The following NRG1 variants were observed in gnomAD, a reference collection of about 807,000 sequenced individuals.
The protein encoded by NRG1 is neuregulin 1, also known as pro-neuregulin-1, membrane-bound isoform.
Under a neutral mutation model 63.8 loss-of-function variants are expected in NRG1, and 18 were observed. The ratio of observed to expected loss-of-function variants is 0.28; its 90% CI spans 0.19 to 0.42. The LOEUF (loss-of-function observed/expected upper bound fraction) is 0.42. Among genes scored for constraint, NRG1 ranks in the 10% least tolerant of loss-of-function variants. The pLI is 1.00. For synonymous variants in NRG1, 302 were observed against 301.3 expected, an observed-to-expected ratio of 1.00 and a Z score of -0.02; for missense variants, 762 against 814.7, an observed-to-expected ratio of 0.94 and a Z score of 0.79.
At chr8:32,480,177 C>T (rs536508862) in intron 1 of NRG1, among the ~76,000 whole-genome samples, 35 of 152,132 alleles carry the variant, frequency 2.3e-4, no homozygotes, top group African/African-American at 6.3e-4. Context: ...GTGGTCCCAG[C>T]CTACGAGGTG....
At chr8:32,542,889 G>T (rs139430028) in intron 1 of NRG1, among the ~76,000 whole-genome samples, 4 of 152,298 alleles carry the variant, frequency 2.6e-5, no homozygotes, top group South Asian at 2.1e-4. Flanking sequence ...GATTGGGGTG[G>T]TACTTAGTGA....
intron 1 of NRG1, among the ~76,000 whole-genome samples, chr8:31,851,940 A>G (rs1174505735): frequency 6.7e-6 from 1 of 149,458 alleles, no homozygotes; most frequent in African/African-American, 2.5e-5. Context: ...ACATGAACTC[A>G]TCCTTTTTTA....
At chr8:32,392,513 G>A (rs6986789) in intron 1 of NRG1, among the ~76,000 whole-genome samples, 60,681 of 152,032 alleles carry the variant, frequency 0.4, 12,512 homozygotes, top group Admixed American at 0.46. Context: ...AGTTGTTGTT[G>A]ATGTTGGTTT....
intron 1 of NRG1, among the ~76,000 whole-genome samples, chr8:31,845,888 A>T (rs1349377777): frequency 1.3e-5 from 2 of 152,202 alleles, no homozygotes; most frequent in Non-Finnish European, 2.9e-5. Context: ...TGATCTGTTT[A>T]CGAGACCTCA....
intron 1 of NRG1, among the ~76,000 whole-genome samples, chr8:32,147,015 A>G (rs559088464): frequency 6.6e-6 from 1 of 152,346 alleles, no homozygotes; most frequent in South Asian, 2.1e-4. Context: ...GTACATACTT[A>G]GAAGTAGTAA....
intron 5 of NRG1, among the ~76,000 whole-genome samples, chr8:32,677,910 C>T (rs1459063017): frequency 6.6e-6 from 1 of 152,118 alleles, no homozygotes; most frequent in Non-Finnish European, 1.5e-5. Flanking sequence ...ATGACACTTT[C>T]CTATATCAAG....
chr8:32,348,100 C>T (rs1586962655), intron 1 of NRG1, among the ~76,000 whole-genome samples: 2 of 152,258 alleles, frequency 1.3e-5, no homozygotes, highest in East Asian at 3.9e-4. Flanking sequence ...AATCTGTTAC[C>T]AATTACTCTA....
intron 1 of NRG1, among the ~76,000 whole-genome samples, chr8:32,041,716 C>T (rs1362226915): frequency 1.3e-5 from 2 of 152,138 alleles, no homozygotes; most frequent in African/African-American, 2.4e-5. Context: ...AACATGGGTA[C>T]AGTCACAAGA....
intron 1 of NRG1, among the ~76,000 whole-genome samples, chr8:32,276,444 C>CTAT (rs1383919008): frequency 6.6e-6 from 1 of 152,122 alleles, no homozygotes; most frequent in Non-Finnish European, 1.5e-5. Context: ...ATCCATCCAT[C>CTAT]TATTGATGGA....
At chr8:32,201,430 C>G (rs139858976) in intron 1 of NRG1, among the ~76,000 whole-genome samples, 1 of 152,158 alleles carries the variant, frequency 6.6e-6, no homozygotes, top group African/African-American at 2.4e-5. Flanking sequence ...TCATTTAAAG[C>G]AGTTACCTTT....
At chr8:31,647,966 G>A (rs1385735630) in intron 1 of NRG1, among the ~76,000 whole-genome samples, 1 of 152,016 alleles carries the variant, frequency 6.6e-6, no homozygotes, top group Non-Finnish European at 1.5e-5. Context: ...GTGGCATTAA[G>A]TATTTGCATT....
intron 11 of NRG1, among the ~76,000 whole-genome samples, chr8:32,762,085 G>A (rs1276558050): frequency 6.6e-6 from 1 of 150,480 alleles, no homozygotes; most frequent in Admixed American, 6.6e-5. Context: ...AAGCCTGTTG[G>A]TTACTTCTTC....
chr8:31,835,661 T>C (rs1339421067), intron 1 of NRG1, among the ~76,000 whole-genome samples: 1 of 152,192 alleles, frequency 6.6e-6, no homozygotes, highest in Admixed American at 6.5e-5. Flanking sequence ...TAATAGCATA[T>C]TTTTCCCATT....
intron 1 of NRG1, among the ~76,000 whole-genome samples, chr8:32,267,950 C>G (rs374152901): frequency 2.6e-5 from 4 of 152,194 alleles, no homozygotes; most frequent in African/African-American, 7.2e-5. Context: ...ATGCTTCCCC[C>G]TCTTTGAATG....
chr8:31,905,450 T>C (rs1832446526), intron 1 of NRG1, among the ~76,000 whole-genome samples: 1 of 152,184 alleles, frequency 6.6e-6, no homozygotes, highest in African/African-American at 2.4e-5. Flanking sequence ...AATTGTCACT[T>C]TGTTAGTTAA....
intron 1 of NRG1, among the ~76,000 whole-genome samples, chr8:32,095,086 AT>A (rs1332501209): frequency 6.6e-6 from 1 of 151,922 alleles, no homozygotes; most frequent in Non-Finnish European, 1.5e-5. Flanking sequence ...TAATTTTTGT[AT>A]TTTTAGTAGA....
chr8:31,964,805 C>A (rs959212337), intron 1 of NRG1, among the ~76,000 whole-genome samples: 1 of 152,156 alleles, frequency 6.6e-6, no homozygotes, highest in East Asian at 1.9e-4. Context: ...GATGAGGTAA[C>A]TGAGCCACAT....
chr8:31,803,559 G>T (rs1039049352), intron 1 of NRG1, among the ~76,000 whole-genome samples: 2 of 152,120 alleles, frequency 1.3e-5, no homozygotes, highest in Non-Finnish European at 1.5e-5. Context: ...CATCCACACT[G>T]CTACCCACCA....
At chr8:31,929,383 A>G (rs1394720410) in intron 1 of NRG1, among the ~76,000 whole-genome samples, 1 of 152,102 alleles carries the variant, frequency 6.6e-6, no homozygotes, top group African/African-American at 2.4e-5. Context: ...GATTGGACTT[A>G]TTTATAATTT....
Sources: gnomAD v4.1 joint callset for allele counts (sites outside exome capture counted in the v4.1 genomes callset) on GRCh38, gnomAD v4.1.1 for gene constraint, MANE v1.5 for transcripts, NCBI Gene and HGNC (gene_info 2026-07-23, HGNC 2026-07-21) for gene names.